RPP30: variants seen among roughly 807,000 people sequenced by gnomAD.
RPP30 encodes the protein ribonuclease P protein subunit p30.
A neutral mutation model predicts 38.6 loss-of-function variants in RPP30; 36 were observed. The observed-to-expected ratio is 0.93, with a 90% CI of 0.71 to 1.23. RPP30 has a LOEUF of 1.23. Ranked by LOEUF, RPP30 falls within the 50% of genes most tolerant of loss-of-function variation. The pLI, the probability that RPP30 is intolerant of heterozygous loss-of-function variation, is 0.00. For synonymous variants in RPP30, 126 were observed against 112.7 expected, an observed-to-expected ratio of 1.12 and a Z score of -0.75; for missense variants, 321 against 321.7, an observed-to-expected ratio of 1.00 and a Z score of 0.02.
chr10:90,890,404 G>A (rs1847065564), intron 6 of RPP30, among the ~76,000 whole-genome samples: 1 of 151,980 alleles, frequency 6.6e-6, no homozygotes, highest in Non-Finnish European at 1.5e-5. Context: ...GTTATTTTAA[G>A]GGATCTTATA....
At chr10:90,880,830 T>C (rs1286335989) in intron 5 of RPP30, among the ~76,000 whole-genome samples, 3 of 152,226 alleles carry the variant, frequency 2.0e-5, no homozygotes, top group Non-Finnish European at 4.4e-5. Context: ...TGTAGAACTT[T>C]TTAAAATCAG....
At chr10:90,892,505 G>T (rs994761909) in intron 6 of RPP30, among the ~76,000 whole-genome samples, 3 of 151,046 alleles carry the variant, frequency 2.0e-5, no homozygotes, top group Admixed American at 1.3e-4. Context: ...CCCTCCCCCC[G>T]CAAAAGTTGT....
intron 5 of RPP30, among the ~76,000 whole-genome samples, chr10:90,884,872 C>G (rs991332332): frequency 1.3e-5 from 2 of 152,214 alleles, no homozygotes; most frequent in African/African-American, 4.8e-5. Context: ...TTGAATTTGT[C>G]TGTCAAGCCT....
intron 1 of RPP30, among the ~76,000 whole-genome samples, chr10:90,873,099 A>C (rs1336208531): frequency 6.6e-6 from 1 of 152,232 alleles, no homozygotes; most frequent in African/African-American, 2.4e-5. Context: ...ATAAATCATG[A>C]GCTTCCTAAG....
chr10:90,884,067 T>C (rs955641793), intron 5 of RPP30, among the ~76,000 whole-genome samples: 3 of 152,204 alleles, frequency 2.0e-5, no homozygotes, highest in African/African-American at 7.2e-5. Context: ...CTTTAATGAG[T>C]TGGCATATTC....
intron 8 of RPP30, 65 bp from the exon 9 acceptor site, chr10:90,895,809 TAATTTG>T: frequency 3.0e-5 from 33 of 1,112,686 alleles, no homozygotes; most frequent in Non-Finnish European, 3.6e-5. Context: ...AATTTTCTAT[TAATTTG>T]CTATAAGTCA....
intron 5 of RPP30, among the ~76,000 whole-genome samples, chr10:90,880,734 T>G (rs1443067751): frequency 2.6e-5 from 4 of 152,176 alleles, no homozygotes; most frequent in Non-Finnish European, 5.9e-5. Flanking sequence ...AAATTTTTTT[T>G]AAATGCAATT....
downstream of RPP30, chr10:90,905,276 A>C (rs185496151): frequency 1.3e-5 from 2 of 152,282 alleles, no homozygotes; most frequent in East Asian, 3.9e-4. Flanking sequence ...GTTGGGTACT[A>C]ATGACTTATC....
rs776761077 is a variant in RPP30, at chr10:90,900,624, CAGA to C, written c.755_757del (p.Glu252del). The C allele has an allele frequency of 6.2e-7, 1 of 1,613,694 alleles. No individual in the cohort carries two copies. Among genetic ancestry groups the C allele is most frequent in the East Asian group, 2.2e-5 (1 of 44,866 alleles). On this transcript the variant is annotated inframe_deletion, in exon 11 of 11. Coordinates refer to ENST00000371703, the MANE Select transcript of RPP30 (RefSeq NM_006413.5). ...TCTACAGTGAAGAAACCTCGGCCAT[CAGA>C]AGGAGATGAAGATTGTCTTCCAGCT...
At position 90,884,735 on chromosome 10, in the gene RPP30, C is replaced by T. The variant is rs531265909; in HGVS notation, c.343-1077C>T. Among the ~76,000 whole-genome samples, 6 of 152,212 alleles carry T rather than the reference C, an allele frequency of 3.9e-5. No homozygotes were observed. In the East Asian group the frequency reaches 7.7e-4, roughly 20 times the overall value. On this transcript the variant is annotated intron_variant, in intron 5 of 10. Transcript: ENST00000371703. ...GATTCTGAAGAAAAAGGGCAAGATA[C>T]GGTATTCCTGTCATTGCCGAAGGTT...
At chr10:90,872,555 CAT>C (rs1386315318) in intron 1 of RPP30, among the ~76,000 whole-genome samples, 1 of 152,014 alleles carries the variant, frequency 6.6e-6, no homozygotes, top group Non-Finnish European at 1.5e-5. Context: ...GGGCAGAGGA[CAT>C]ACACAGCGGA....
intron 6 of RPP30, among the ~76,000 whole-genome samples, chr10:90,892,752 G>T (rs557483219): frequency 7.6e-4 from 116 of 152,310 alleles, no homozygotes; most frequent in Non-Finnish European, 9.0e-4. Flanking sequence ...CAAGGAGATG[G>T]CTGATAATAT....
intron 10 of RPP30, among the ~76,000 whole-genome samples, chr10:90,897,092 C>G (rs537654777): frequency 6.6e-6 from 1 of 152,192 alleles, no homozygotes; most frequent in East Asian, 1.9e-4. Context: ...GTATATGTAC[C>G]TTTTCACTGA....
intron 9 of RPP30, 115 bp from the exon 10 acceptor site, chr10:90,896,198 T>C (rs1847136955): frequency 4.6e-6 from 4 of 860,690 alleles, no homozygotes; most frequent in African/African-American, 1.7e-5. Flanking sequence ...TAAGAACTGC[T>C]GTTGAATTAA....
downstream of RPP30, chr10:90,903,147 A>G (rs1436314157): frequency 9.4e-7 from 1 of 1,058,944 alleles, no homozygotes; most frequent in Non-Finnish European, 1.5e-6. Flanking sequence ...AAAACTCTGC[A>G]CTTGGATTGC....
intron 5 of RPP30, among the ~76,000 whole-genome samples, chr10:90,879,439 T>C (rs1846895413): frequency 6.6e-6 from 1 of 152,256 alleles, no homozygotes; most frequent in Admixed American, 6.5e-5. Flanking sequence ...GATCCATCTC[T>C]TTCTAGCTCT....
intron 10 of RPP30, among the ~76,000 whole-genome samples, chr10:90,898,450 G>A (rs1259336769): frequency 6.6e-6 from 1 of 152,094 alleles, no homozygotes; most frequent in East Asian, 1.9e-4. Context: ...TTCAGCCTAG[G>A]TAATATTAGA....
At chr10:90,902,852 A>G (rs1008872950), downstream of RPP30, among the ~76,000 whole-genome samples, 3 of 152,224 alleles carry the variant, frequency 2.0e-5, no homozygotes, top group Non-Finnish European at 2.9e-5. Flanking sequence ...GCCACACACC[A>G]AAAGTCTGCC....
Position 90,900,855 on chromosome 10 carries a change from A to G in RPP30, c.*176A>G. On this transcript the variant is annotated 3_prime_UTR_variant, in exon 11 of 11. Coordinates refer to ENST00000371703, the MANE Select transcript of RPP30 (RefSeq NM_006413.5). ...AACAACAAACGAAACCTAGTGAAGC[A>G]TCTTTTTAAAAGGCTGCCAGCTTAA... is the stretch of plus-strand genomic sequence containing the variant. 3.1e-6 allele frequency: 4 copies of G among 1,298,028 alleles called. No individual in the cohort carries two copies. Among genetic ancestry groups the G allele is most frequent in the Non-Finnish European group, 3.9e-6 (4 of 1,025,106 alleles). 80.4% of individuals were successfully genotyped at this position (1,298,028 alleles called of 1,614,324 possible).
Sources: allele counts gnomAD v4.1 joint callset (sites outside exome capture counted in the v4.1 genomes callset), GRCh38; gene constraint gnomAD v4.1.1; transcripts MANE v1.5; gene names NCBI Gene and HGNC (gene_info 2026-07-23, HGNC 2026-07-21).